The following NBAS variants were observed in gnomAD, a reference collection of about 807,000 sequenced individuals.
The protein encoded by NBAS is NBAS subunit of NRZ tethering complex.
NBAS carries 219 observed loss-of-function variants against 302.5 expected under a neutral mutation model. That is an observed-to-expected ratio of 0.72 (90% CI 0.65 to 0.81). NBAS has a LOEUF of 0.81. NBAS is among the 30% of genes least tolerant of loss of function. NBAS has a pLI of 0.00. For missense variants in NBAS, 2,932 were observed against 2,841.6 expected (o/e 1.03, Z -0.72); for synonymous variants, 1,118 against 1,021.6 (o/e 1.09, Z -1.80).
chr2:15,351,417 C>T (rs185510928), intron 35 of NBAS, among the ~76,000 whole-genome samples: 169 of 152,256 alleles, frequency 1.1e-3, no homozygotes, highest in African/African-American at 4.1e-3. Context: ...TGGCTCACAC[C>T]TGTAATCCAC....
At chr2:15,239,701 T>C (rs1298558746) in intron 44 of NBAS, among the ~76,000 whole-genome samples, 1 of 146,542 alleles carries the variant, frequency 6.8e-6, no homozygotes, top group Non-Finnish European at 1.5e-5. Flanking sequence ...CATATGCATA[T>C]ACATATATAT....
At chr2:15,353,510 T>TG in intron 34 of NBAS, 43 bp downstream of exon 34, 1 of 1,611,246 alleles carries the variant, frequency 6.2e-7, no homozygotes, top group South Asian at 1.1e-5. Flanking sequence ...CCCAACAACA[T>TG]GGACGTCATA....
intron 48 of NBAS, among the ~76,000 whole-genome samples, chr2:15,206,587 T>A (rs1313761778): frequency 2.6e-5 from 4 of 152,258 alleles, no homozygotes; most frequent in African/African-American, 9.6e-5. Context: ...CCAGAGGCCC[T>A]AGGAGGGAAA....
intron 44 of NBAS, among the ~76,000 whole-genome samples, chr2:15,256,522 A>G (rs964100835): frequency 2.0e-5 from 3 of 152,144 alleles, no homozygotes; most frequent in African/African-American, 7.2e-5. Context: ...TTCTTTACCA[A>G]TATGGACACC....
At chr2:14,972,003 C>T in the NBAS span, among the ~76,000 whole-genome samples, 2 of 152,018 alleles carry the variant, frequency 1.3e-5, no homozygotes, top group African/African-American at 4.8e-5. Context: ...AAGGACCTGT[C>T]CATTTCAACT....
the NBAS span, among the ~76,000 whole-genome samples, chr2:14,903,168 G>A: frequency 6.6e-6 from 1 of 152,068 alleles, no homozygotes; most frequent in African/African-American, 2.4e-5. Flanking sequence ...ACAATATTTT[G>A]CAACCCATTT....
At chr2:14,972,519 A>G in the NBAS span, among the ~76,000 whole-genome samples, 1 of 152,232 alleles carries the variant, frequency 6.6e-6, no homozygotes, top group Non-Finnish European at 1.5e-5. Context: ...GATTTCTAAA[A>G]TTAAAATTTA....
At chr2:15,427,202 G>A (rs966903566) in intron 22 of NBAS, among the ~76,000 whole-genome samples, 2 of 152,022 alleles carry the variant, frequency 1.3e-5, no homozygotes, top group South Asian at 2.1e-4. Context: ...CAAAAAGGAA[G>A]AAGAGACAGT....
At chr2:15,236,293 G>A (rs934544362) in intron 45 of NBAS, among the ~76,000 whole-genome samples, 2 of 151,906 alleles carry the variant, frequency 1.3e-5, no homozygotes, top group Non-Finnish European at 2.9e-5. Flanking sequence ...GCTGGGTGAA[G>A]TGGCTCAGAC....
At chr2:15,182,423 A>C (rs1193671280) in intron 50 of NBAS, among the ~76,000 whole-genome samples, 1 of 152,224 alleles carries the variant, frequency 6.6e-6, no homozygotes, top group Non-Finnish European at 1.5e-5. Flanking sequence ...ACTGATTCTA[A>C]AAATCAAGCT....
intron 21 of NBAS, among the ~76,000 whole-genome samples, chr2:15,442,415 C>G (rs1485992396): frequency 6.6e-6 from 1 of 151,282 alleles, no homozygotes; most frequent in Non-Finnish European, 1.5e-5. Context: ...GGGTACATAA[C>G]AAAATGAAGG....
At chr2:14,949,645 A>AT in the NBAS span, among the ~76,000 whole-genome samples, 1 of 152,192 alleles carries the variant, frequency 6.6e-6, no homozygotes, top group Non-Finnish European at 1.5e-5. Context: ...AGAAAATGTG[A>AT]TATATATGCA....
chr2:15,493,175 G>A (rs749485316), intron 11 of NBAS, among the ~76,000 whole-genome samples: 3 of 152,042 alleles, frequency 2.0e-5, no homozygotes, highest in Non-Finnish European at 4.4e-5. Context: ...TTCATCTTCC[G>A]CCATGATTGT....
chr2:15,145,317 G>A, the NBAS span, among the ~76,000 whole-genome samples: 4 of 151,780 alleles, frequency 2.6e-5, no homozygotes, highest in African/African-American at 4.8e-5. Flanking sequence ...GCTTTTACAC[G>A]CAATCTTAAA....
the NBAS span, among the ~76,000 whole-genome samples, chr2:14,846,119 C>T: frequency 6.6e-6 from 1 of 151,978 alleles, no homozygotes; most frequent in African/African-American, 2.4e-5. Flanking sequence ...ATCAAACTCT[C>T]AAAGGTCAAA....
intron 40 of NBAS, among the ~76,000 whole-genome samples, chr2:15,300,049 A>G (rs1222927591): frequency 6.6e-6 from 1 of 152,216 alleles, no homozygotes; most frequent in African/African-American, 2.4e-5. Context: ...CGAGGGAGGC[A>G]GCTCCATGGA....
chr2:14,786,300 GT>G, the NBAS span, among the ~76,000 whole-genome samples: 1 of 151,900 alleles, frequency 6.6e-6, no homozygotes. Flanking sequence ...TTTTTGAAGG[GT>G]TTTTTGTGTC....
intron 5 of NBAS, among the ~76,000 whole-genome samples, chr2:15,552,218 C>CA (rs1233832142): frequency 1.3e-5 from 2 of 152,088 alleles, no homozygotes; most frequent in African/African-American, 4.8e-5. Context: ...ATACAGATAT[C>CA]AAAAAAACTG....
chr2:15,347,755 CTGTTCCA>C (rs1673162805), intron 35 of NBAS, among the ~76,000 whole-genome samples: 1 of 152,164 alleles, frequency 6.6e-6, no homozygotes, highest in African/African-American at 2.4e-5. Context: ...TGGTAGAATA[CTGTTCCA>C]TCTAAAAAGC....
Sources: allele counts gnomAD v4.1 joint callset (sites outside exome capture counted in the v4.1 genomes callset), GRCh38; gene constraint gnomAD v4.1.1; transcripts MANE v1.5; gene names NCBI Gene and HGNC (gene_info 2026-07-23, HGNC 2026-07-21).